The following CLASP1 variants were observed in gnomAD, a reference collection of about 807,000 sequenced individuals.
CLASP1 encodes CLIP-associating protein 1.
Under a neutral mutation model 192.3 loss-of-function variants are expected in CLASP1, and 38 were observed. The observed-to-expected ratio is 0.20, with a 90% CI of 0.15 to 0.26. The LOEUF (loss-of-function observed/expected upper bound fraction) is 0.26, where lower values mean the gene tolerates loss of function less well. Ranked by LOEUF, CLASP1 falls within the 10% of genes least tolerant of loss-of-function variation. The pLI is 1.00. For synonymous variants in CLASP1, 691 were observed against 712.8 expected (o/e 0.97, Z 0.49); for missense variants, 1,433 against 1,932.5 (o/e 0.74, Z 4.85).
intron 38 of CLASP1, among the ~76,000 whole-genome samples, chr2:121,347,685 C>T (rs1490976471): frequency 6.6e-6 from 1 of 152,190 alleles, no homozygotes. Context: ...ATCTATCTGT[C>T]GGCCTCATCC....
chr2:121,624,509 T>C (rs995238906), intron 1 of CLASP1, among the ~76,000 whole-genome samples: 1 of 152,114 alleles, frequency 6.6e-6, no homozygotes, highest in African/African-American at 2.4e-5. Flanking sequence ...CTCCACCTCC[T>C]GGGTCCAAGC....
At chr2:121,470,036 T>C (rs1011400057) in intron 8 of CLASP1, 76 bp from the exon 9 acceptor site, 1 of 1,174,612 alleles carries the variant, frequency 8.5e-7, no homozygotes, top group Non-Finnish European at 1.2e-6. Flanking sequence ...CTTTTTCACC[T>C]GATTATAAAA....
chr2:121,610,465 G>A (rs2065136433), intron 1 of CLASP1, among the ~76,000 whole-genome samples: 1 of 150,222 alleles, frequency 6.7e-6, no homozygotes, highest in Admixed American at 6.6e-5. Flanking sequence ...ACTAGAGGAG[G>A]AGGAGGAGTT....
At chr2:121,603,496 A>T (rs2064042796) in intron 2 of CLASP1, among the ~76,000 whole-genome samples, 1 of 152,204 alleles carries the variant, frequency 6.6e-6, no homozygotes, top group African/African-American at 2.4e-5. Context: ...AAACTAGTAC[A>T]GCTGCTATGG....
intron 2 of CLASP1, among the ~76,000 whole-genome samples, chr2:121,599,008 G>A (rs970447151): frequency 7.2e-5 from 11 of 151,994 alleles, no homozygotes; most frequent in African/African-American, 2.2e-4. Flanking sequence ...GGGACTATAC[G>A]TGCGTGCCAC....
At chr2:121,462,963 C>G (rs1440633131) in intron 9 of CLASP1, among the ~76,000 whole-genome samples, 1 of 152,096 alleles carries the variant, frequency 6.6e-6, no homozygotes, top group Non-Finnish European at 1.5e-5. Flanking sequence ...CAGGGAATAA[C>G]TTAAATTGTT....
At chr2:121,626,903 A>G (rs2068483458) in intron 1 of CLASP1, among the ~76,000 whole-genome samples, 1 of 152,202 alleles carries the variant, frequency 6.6e-6, no homozygotes, top group Non-Finnish European at 1.5e-5. Flanking sequence ...TCAAAATAAG[A>G]GCTGAAAAGC....
exon 26 of CLASP1, chr2:121,404,421 T>C: frequency 6.2e-7 from 1 of 1,611,400 alleles, no homozygotes. Flanking sequence ...CACAACCTTT[T>C]CAGTTCAACT....
chr2:121,402,546 C>T, intron 26 of CLASP1: 1 of 513,258 alleles, frequency 1.9e-6, no homozygotes, highest in Non-Finnish European at 3.9e-6. Context: ...CCTGGCTTCA[C>T]TTACAGGCAG....
intron 25 of CLASP1, 89 bp from the exon 27 acceptor site, chr2:121,404,523 G>T: frequency 8.6e-7 from 1 of 1,166,394 alleles, no homozygotes; most frequent in Non-Finnish European, 1.2e-6. Flanking sequence ...CTAGAGTGCA[G>T]TGGTGCGATC....
chr2:121,433,750 T>A (rs1011936136), intron 19 of CLASP1, among the ~76,000 whole-genome samples: 11 of 152,178 alleles, frequency 7.2e-5, no homozygotes, highest in African/African-American at 2.7e-4. Flanking sequence ...AGTGAGACTC[T>A]GTCTCAAAAA....
At chr2:121,354,717 C>T (rs1055793052) in intron 37 of CLASP1, among the ~76,000 whole-genome samples, 3 of 152,112 alleles carry the variant, frequency 2.0e-5, no homozygotes, top group Non-Finnish European at 2.9e-5. Flanking sequence ...GATTCTGTAG[C>T]GTATCAAAAT....
chr2:121,461,997 C>A (rs1052442323), intron 10 of CLASP1, among the ~76,000 whole-genome samples: 1 of 152,114 alleles, frequency 6.6e-6, no homozygotes, highest in African/African-American at 2.4e-5. Context: ...CACAGACAGT[C>A]AGTGTAGGCT....
chr2:121,630,424 AC>A (rs1320996677), intron 1 of CLASP1, among the ~76,000 whole-genome samples: 1 of 146,650 alleles, frequency 6.8e-6, no homozygotes, highest in Non-Finnish European at 1.5e-5. Flanking sequence ...ACACACACAC[AC>A]GCAGAAGCAA....
chr2:121,455,378 T>C lies in CLASP1; in HGVS notation c.1385+2309A>G, dbSNP rs758997085. On this transcript the variant is annotated intron_variant, in intron 14 of 39. Transcript: ENST00000263710. ...ATGATTATTGCAAGACTATTCACAA[T>C]AGCCAAGATAGGGAATCAACCTAAG... Among the ~76,000 whole-genome samples the C allele has an allele frequency of 2.6e-5, 4 of 152,256 alleles. No homozygotes were observed. In the East Asian group the frequency reaches 7.7e-4, roughly 29 times the overall value.
intron 19 of CLASP1, among the ~76,000 whole-genome samples, chr2:121,435,462 C>T (rs546612857): frequency 3.7e-4 from 56 of 152,068 alleles, no homozygotes; most frequent in African/African-American, 1.2e-3. Context: ...TTAGTAGAGA[C>T]GGGGTTTCTC....
intron 2 of CLASP1, among the ~76,000 whole-genome samples, chr2:121,567,272 A>G (rs2059589604): frequency 6.6e-6 from 1 of 152,230 alleles, no homozygotes; most frequent in South Asian, 2.1e-4. Flanking sequence ...CCTGATGCTC[A>G]GCATACAGAC....
At chr2:121,492,846 C>T (rs1166994946) in intron 8 of CLASP1, among the ~76,000 whole-genome samples, 3 of 152,038 alleles carry the variant, frequency 2.0e-5, no homozygotes. Flanking sequence ...CTCAAAAGAA[C>T]TGAAAACAGG....
intron 2 of CLASP1, among the ~76,000 whole-genome samples, chr2:121,590,899 G>A (rs943303100): frequency 7.9e-5 from 11 of 138,950 alleles, no homozygotes; most frequent in Admixed American, 2.3e-4. Flanking sequence ...ATGGAGTCTC[G>A]CTCTGTTGCC....
Sources: gnomAD v4.1 joint callset for allele counts (sites outside exome capture counted in the v4.1 genomes callset) on GRCh38, gnomAD v4.1.1 for gene constraint, MANE v1.5 for transcripts, NCBI Gene and HGNC (gene_info 2026-07-23, HGNC 2026-07-21) for gene names.